CELF2: variants seen among roughly 807,000 people sequenced by gnomAD.
CELF2 encodes CUGBP Elav-like family member 2, also known as CUG triplet repeat RNA-binding protein 2.
In CELF2, 8 loss-of-function variants were observed where a neutral mutation model predicts 62.6. That is an observed-to-expected ratio of 0.13 (90% CI 0.07 to 0.23). The LOEUF is 0.23. Ranked by LOEUF, CELF2 falls within the 10% of genes least tolerant of loss-of-function variation. The pLI is 1.00. For missense variants in CELF2, 333 were observed against 671.0 expected (o/e 0.50, Z 5.56); for synonymous variants, 258 against 250.0 (o/e 1.03, Z -0.30).
intron 2 of CELF2, among the ~76,000 whole-genome samples, chr10:11,204,586 G>A (rs1022321639): frequency 2.0e-5 from 3 of 152,250 alleles, no homozygotes; most frequent in African/African-American, 7.2e-5. Flanking sequence ...AGAGGTAGCA[G>A]CCACCCGCAG....
intron 1 of CELF2, among the ~76,000 whole-genome samples, chr10:10,919,308 C>A (rs947456146): frequency 2.6e-5 from 4 of 151,812 alleles, no homozygotes; most frequent in Non-Finnish European, 5.9e-5. Flanking sequence ...AGACAAGAGA[C>A]GGCAATTGGG....
chr10:10,952,048 AC>A (rs914451908), intron 2 of CELF2: 6 of 152,256 alleles, frequency 3.9e-5, no homozygotes, highest in Admixed American at 3.9e-4. Flanking sequence ...TCCAGGTGGC[AC>A]CCACTGCCCG....
At chr10:10,902,897 AAGGGAGGGAGGGAGAAG>A (rs1314951711) in intron 1 of CELF2, among the ~76,000 whole-genome samples, 27 of 126,696 alleles carry the variant, frequency 2.1e-4, no homozygotes, top group Admixed American at 8.5e-4. Context: ...GAGAGGGAAG[AAGGGAGGGAGGGAGAAG>A]AGGGAGGGAG....
chr10:10,614,711 G>T, the CELF2 span, among the ~76,000 whole-genome samples: 1 of 152,166 alleles, frequency 6.6e-6, no homozygotes, highest in African/African-American at 2.4e-5. Context: ...CTTGCCAGTT[G>T]TTATCACACT....
the CELF2 span, among the ~76,000 whole-genome samples, chr10:10,704,656 G>A: frequency 3.7e-4 from 57 of 152,216 alleles, no homozygotes; most frequent in African/African-American, 1.3e-3. Flanking sequence ...GCATTAGCTG[G>A]GTAGTTGGGG....
At chr10:10,653,758 G>C in the CELF2 span, among the ~76,000 whole-genome samples, 1 of 148,434 alleles carries the variant, frequency 6.7e-6, no homozygotes, top group African/African-American at 2.5e-5. Context: ...GCCCACAAGA[G>C]AAAGCAGGAA....
At chr10:11,312,323 A>G (rs942670955) in intron 9 of CELF2, among the ~76,000 whole-genome samples, 1 of 152,262 alleles carries the variant, frequency 6.6e-6, no homozygotes, top group African/African-American at 2.4e-5. Flanking sequence ...AAGAAGAATG[A>G]ATAATAAGCA....
the CELF2 span, among the ~76,000 whole-genome samples, chr10:10,594,185 T>G: frequency 8.5e-5 from 13 of 152,196 alleles, no homozygotes; most frequent in Non-Finnish European, 1.5e-4. Flanking sequence ...GAAAACTGAT[T>G]GTACGTGGAA....
the CELF2 span, among the ~76,000 whole-genome samples, chr10:10,564,003 G>C: frequency 6.6e-6 from 1 of 152,120 alleles, no homozygotes; most frequent in Admixed American, 6.5e-5. Flanking sequence ...ATGCATCTTC[G>C]GTGTTTGTTT....
the CELF2 span, among the ~76,000 whole-genome samples, chr10:10,588,589 A>G: frequency 0.021 from 3,244 of 152,292 alleles, 118 homozygotes; most frequent in African/African-American, 0.076. Context: ...CAGACTAGCA[A>G]GGAGGCATCT....
intron 1 of CELF2, among the ~76,000 whole-genome samples, chr10:11,018,561 G>A (rs2057723058): frequency 6.6e-6 from 1 of 151,226 alleles, no homozygotes; most frequent in African/African-American, 2.4e-5. Context: ...GGGTCCGGGC[G>A]GGGTCCATGA....
Position 11,268,538 on chromosome 10 carries a change from A to G in CELF2, c.618+1861A>G, listed in dbSNP as rs1276086407. 6.6e-6 allele frequency among the ~76,000 whole-genome samples: 1 copy of G among 152,234 alleles called. No individual in the cohort carries two copies. Among genetic ancestry groups the G allele is most frequent in the African/African-American group, 2.4e-5 (1 of 41,464 alleles). ...CCAGGCTGAGAAACAGTAGGTTCCC[A>G]TCATGTAAAGAGTTGGTTTGACCAC... is the stretch of plus-strand genomic sequence containing the variant. On this transcript the variant is annotated intron_variant, in intron 6 of 12. Transcript: ENST00000633077. The surrounding 1 kb of genome is among the most constrained non-coding windows in gnomAD (Gnocchi z 4.7).
At chr10:10,630,509 C>T in the CELF2 span, among the ~76,000 whole-genome samples, 1 of 152,280 alleles carries the variant, frequency 6.6e-6, no homozygotes, top group South Asian at 2.1e-4. Context: ...AAGCACCTTT[C>T]CTCATTAGAT....
the CELF2 span, among the ~76,000 whole-genome samples, chr10:10,608,601 G>A: frequency 1.4e-3 from 208 of 152,158 alleles, 1 homozygote; most frequent in African/African-American, 4.7e-3. Flanking sequence ...AATTAGAGGC[G>A]AGGGACAAAG....
At chr10:11,231,992 C>A (rs80202164) in intron 3 of CELF2, among the ~76,000 whole-genome samples, 12,680 of 152,192 alleles carry the variant, frequency 0.083, 527 homozygotes, top group Middle Eastern at 0.15. Flanking sequence ...ACCACCGCCC[C>A]ATCTTTTTTT....
the CELF2 span, among the ~76,000 whole-genome samples, chr10:10,576,959 T>A: frequency 6.6e-6 from 1 of 152,062 alleles, no homozygotes; most frequent in African/African-American, 2.4e-5. Flanking sequence ...CCCAGAGGGG[T>A]TTACATATTC....
chr10:11,086,578 TAAAAAAAAAAAAAAAAAAAA>T (rs1168932032), intron 1 of CELF2, among the ~76,000 whole-genome samples: 5 of 71,984 alleles, frequency 6.9e-5, no homozygotes, highest in Admixed American at 2.3e-4. Context: ...TTGCATTTGT[TAAAAAAAAAAAAAAAAAAAA>T]AAAAAAAAAA....
chr10:10,810,925 A>G (rs993882141), intron 1 of CELF2, among the ~76,000 whole-genome samples: 1 of 152,254 alleles, frequency 6.6e-6, no homozygotes, highest in Non-Finnish European at 1.5e-5. Context: ...ATCCCCACTC[A>G]GAATAAGGAT....
chr10:10,863,656 A>G (rs1445473632), intron 1 of CELF2, among the ~76,000 whole-genome samples: 1 of 152,170 alleles, frequency 6.6e-6, no homozygotes, highest in Non-Finnish European at 1.5e-5. Flanking sequence ...GCACCAACCT[A>G]ATAGATTAAG....
Sources: gnomAD v4.1 joint callset for allele counts (sites outside exome capture counted in the v4.1 genomes callset) on GRCh38, gnomAD v4.1.1 for gene constraint, Gnocchi (gnomAD v3.1) non-coding constraint, MANE v1.5 for transcripts, NCBI Gene and HGNC (gene_info 2026-07-23, HGNC 2026-07-21) for gene names.